The following ZNF699 variants were observed in gnomAD, a reference collection of about 807,000 sequenced individuals.
ZNF699 encodes the protein hangover homolog.
Under a neutral mutation model 22.5 loss-of-function variants are expected in ZNF699, and 18 were observed. That is an observed-to-expected ratio of 0.80 (90% CI 0.55 to 1.19). The LOEUF (loss-of-function observed/expected upper bound fraction) is 1.19, where lower values mean the gene tolerates loss of function less well. Ranked by LOEUF, ZNF699 falls within the 50% of genes most tolerant of loss-of-function variation. The pLI, the probability that ZNF699 is intolerant of heterozygous loss-of-function variation, is 0.00. For missense variants in ZNF699, 670 were observed against 763.4 expected (o/e 0.88, Z 1.44); for synonymous variants, 241 against 262.3 (o/e 0.92, Z 0.78).
intron 1 of ZNF699, among the ~76,000 whole-genome samples, chr19:9,305,778 T>C (rs1030194649): frequency 2.6e-5 from 4 of 151,924 alleles, no homozygotes; most frequent in African/African-American, 4.8e-5. Flanking sequence ...CTCAGCTCAC[T>C]GCAACCTCCA....
intron 3 of ZNF699, among the ~76,000 whole-genome samples, chr19:9,298,351 C>A (rs1156399182): frequency 6.6e-6 from 1 of 150,820 alleles, no homozygotes; most frequent in Non-Finnish European, 1.5e-5. Context: ...GAGTCTGAGG[C>A]AGGAGAATTG....
At chr19:9,304,484 C>A (rs559627034) in intron 2 of ZNF699, among the ~76,000 whole-genome samples, 1 of 152,192 alleles carries the variant, frequency 6.6e-6, no homozygotes, top group South Asian at 2.1e-4. Flanking sequence ...GTATTCTAGG[C>A]CAGTGGTCAG....
At chr19:9,300,112 G>A (rs945614720) in intron 3 of ZNF699, among the ~76,000 whole-genome samples, 1 of 152,148 alleles carries the variant, frequency 6.6e-6, no homozygotes, top group Non-Finnish European at 1.5e-5. Context: ...TGGAATGCTC[G>A]CTCTGTCGCC....
chr19:9,300,606 G>T (rs1384797183), intron 3 of ZNF699, among the ~76,000 whole-genome samples: 1 of 152,166 alleles, frequency 6.6e-6, no homozygotes, highest in African/African-American at 2.4e-5. Flanking sequence ...TTAGTCAGAG[G>T]TACAAAGAAA....
chr19:9,304,059 A>G (rs541128598), intron 2 of ZNF699, among the ~76,000 whole-genome samples: 26 of 152,162 alleles, frequency 1.7e-4, no homozygotes, highest in African/African-American at 6.3e-4. Context: ...GACCTCAGGC[A>G]GTCTGCCCAC....
At chr19:9,306,735 GGCAGGGTATGAAT>G (rs774366357) in intron 1 of ZNF699, among the ~76,000 whole-genome samples, 1 of 152,180 alleles carries the variant, frequency 6.6e-6, no homozygotes, top group Non-Finnish European at 1.5e-5. Flanking sequence ...CAGCTGCTGA[GGCAGGGTATGAAT>G]GCAGGCCTAT....
At position 9,295,819 on chromosome 19, in the gene ZNF699, T is replaced by G; in HGVS notation, c.1585A>C (p.Lys529Gln). The change falls in exon 6 of 6, where the codon AAA becomes CAA. Residue 529 changes from lysine (K) to glutamine (Q), a missense_variant. By Grantham distance (53) the Lys-to-Gln change is moderately conservative. Transcript: ENST00000591998. ...CCACATTTCTTACATTCATAGGGTT[T>G]CTCTCCAGTGTGAGTTCTGATATGT... ...TVHIRTHTGE[K>Q]PYECKKCGKA... 6.2e-7 allele frequency: 1 copy of G among 1,614,212 alleles called. No homozygotes were observed. Among genetic ancestry groups the G allele is most frequent in the Non-Finnish European group, 8.5e-7 (1 of 1,180,038 alleles).
Position 9,296,149 on chromosome 19 carries a change from A to G in ZNF699, c.1255T>C (p.Tyr419His). ...HMRKHTGEKPYECLECGKAFY... is the reference protein window; with the variant it reads ...HMRKHTGEKPHECLECGKAFY... ...GCCTTTCCACATTCCAGACATTCAT[A>G]CGGTTTTTCTCCAGTGTGTTTTCTC... The change falls in exon 6 of 6, where the codon TAT (tyrosine) becomes CAT (histidine). Residue 419 changes from tyrosine to histidine, a missense_variant. By Grantham distance (83) the Tyr-to-His change is moderately conservative. Transcript: ENST00000591998. 6.2e-7 allele frequency: 1 copy of G among 1,613,978 alleles called. No homozygotes were observed. The highest frequency in any genetic ancestry group is 8.5e-7 in the Non-Finnish European group (1 of 1,179,996).
Position 9,297,368 on chromosome 19 carries a change from A to T in ZNF699, c.398T>A (p.Phe133Tyr). Residue 133 changes from phenylalanine to tyrosine, a missense_variant, in exon 5 of 6, where the codon TTC becomes TAC. Phe to Tyr is a conservative substitution (Grantham distance 22, BLOSUM62 3). Transcript: ENST00000591998. This position sits in a 1 kb window ranked among gnomAD's most constrained non-coding sequence, Gnocchi z 4.3. The part of the protein sequence containing the change: ...IVRFKRNDSW[F>Y]SSLHENQESC... ...CTCCTGGTTTTCATGTAAACTGGAG[A>T]ACCAGGAATCATTCCTTTTGAATCT... 6.2e-7 allele frequency: 1 copy of T among 1,603,192 alleles called. No individual in the cohort carries two copies. Among genetic ancestry groups the T allele is most frequent in the Non-Finnish European group, 8.5e-7 (1 of 1,178,226 alleles).
chr19:9,303,839 A>C (rs867080280), intron 2 of ZNF699, among the ~76,000 whole-genome samples: 19 of 147,750 alleles, frequency 1.3e-4, no homozygotes, highest in Non-Finnish European at 7.5e-5. Flanking sequence ...TTTTTTTGAG[A>C]TGGGGTCTCG....
intron 3 of ZNF699, 57 bp from the exon 4 acceptor site, chr19:9,298,047 C>A: frequency 1.7e-6 from 2 of 1,211,852 alleles, no homozygotes; most frequent in Non-Finnish European, 2.4e-6. Context: ...ACTAACATTT[C>A]CATGAAACAG....
chr19:9,296,884 C>T lies in ZNF699; in HGVS notation c.520G>A (p.Gly174Arg). The stretch of plus-strand genomic sequence containing the variant: ...TTTGGAACTTGGCTGAAAGTCTGTC[C>T]ATCTTGATTTTCTTCATAACATTCA... ...IYECYEENQD[G>R]QTFSQVPNLD... Residue 174 changes from glycine (G) to arginine (R), a missense_variant, in exon 6 of 6, where the codon GGA (glycine) becomes AGA (arginine). Physicochemically the swap from Gly to Arg is moderately radical, Grantham distance 125. Transcript: ENST00000591998. 1 of 1,612,962 alleles carries T rather than the reference C, an allele frequency of 6.2e-7. No homozygotes were observed. Among genetic ancestry groups the T allele is most frequent in the African/African-American group, 1.3e-5 (1 of 75,000 alleles).
In ZNF699 at chr19:9,302,363, T is replaced by C. The variant is rs1238059199; in HGVS notation, c.175+15A>G. 6.2e-7 allele frequency: 1 copy of C among 1,613,170 alleles called. No homozygotes were observed. Among genetic ancestry groups the C allele is most frequent in the Admixed American group, 1.7e-5 (1 of 59,982 alleles). The stretch of plus-strand genomic sequence containing the variant: ...CTTTCTAAACAACTACATGAAAGAA[T>C]CTTGCCATTCTTACCTAGTGAGGCC... On this transcript the variant is annotated intron_variant, in intron 3 of 5. Coordinates refer to ENST00000591998, the MANE Select transcript of ZNF699 (RefSeq NM_198535.3).
At chr19:9,305,444 A>C (rs1951555630) in intron 1 of ZNF699, among the ~76,000 whole-genome samples, 1 of 152,182 alleles carries the variant, frequency 6.6e-6, no homozygotes, top group Non-Finnish European at 1.5e-5. Context: ...GAAGACTAGA[A>C]AAGTCTGGCT....
chr19:9,296,667 G>A lies in ZNF699; in HGVS notation c.737C>T (p.Thr246Ile). The change falls in exon 6 of 6, where the codon ACT becomes ATT. Residue 246 changes from threonine (T) to isoleucine (I), a missense_variant. Physicochemically the swap from Thr to Ile is moderately conservative, Grantham distance 89. Transcript: ENST00000591998. ...ACFKKHMKTP[T>I]EEKPYECKEC... ...CTTACATTCATAGGGCTTCTCTTCA[G>A]TGGGGGTTTTCATATGCTTCTTGAA... 2 of 1,613,770 alleles carry A rather than the reference G, an allele frequency of 1.2e-6. No homozygotes were observed. The highest frequency in any genetic ancestry group is 1.7e-6 in the Non-Finnish European group (2 of 1,179,924).
chr19:9,308,813 G>A (rs887993403), intron 1 of ZNF699, among the ~76,000 whole-genome samples: 2 of 152,062 alleles, frequency 1.3e-5, no homozygotes, highest in African/African-American at 4.8e-5. Context: ...AAAAGAAATG[G>A]AAACTGCAAG....
intron 3 of ZNF699, 71 bp downstream of exon 3, chr19:9,302,307 A>C: frequency 6.3e-7 from 1 of 1,575,144 alleles, no homozygotes. Context: ...CCCAAATCCT[A>C]GAATAAAGTC....
chr19:9,299,691 C>A (rs1398807840), intron 3 of ZNF699, among the ~76,000 whole-genome samples: 1 of 152,004 alleles, frequency 6.6e-6, no homozygotes, highest in Non-Finnish European at 1.5e-5. Context: ...AATTTCTGCC[C>A]TCTGAAAGAC....
intron 3 of ZNF699, among the ~76,000 whole-genome samples, chr19:9,299,759 A>G (rs955200366): frequency 6.6e-6 from 1 of 152,188 alleles, no homozygotes; most frequent in African/African-American, 2.4e-5. Flanking sequence ...TGCAAAAAAC[A>G]TATCTGAGAA....
Sources: allele counts gnomAD v4.1 joint callset (sites outside exome capture counted in the v4.1 genomes callset), GRCh38; gene constraint gnomAD v4.1.1; non-coding constraint Gnocchi (gnomAD v3.1); transcripts MANE v1.5; gene names NCBI Gene and HGNC (gene_info 2026-07-23, HGNC 2026-07-21).